Variants in TRAF3 observed in about 807,000 individuals in gnomAD.
TRAF3 encodes the protein TNF receptor-associated factor 3.
Under a neutral mutation model 62.3 loss-of-function variants are expected in TRAF3, and 13 were observed. The ratio of observed to expected loss-of-function variants is 0.21; its 90% confidence interval spans 0.14 to 0.33. TRAF3 has a LOEUF of 0.33. TRAF3 is among the 10% of genes least tolerant of loss of function. TRAF3 has a pLI of 1.00. For synonymous variants in TRAF3, 269 were observed against 283.4 expected (o/e 0.95, Z 0.51); for missense variants, 440 against 741.8 (o/e 0.59, Z 4.73).
chr14:102,887,859 T>C (rs1889488979), intron 7 of TRAF3, among the ~76,000 whole-genome samples: 1 of 152,026 alleles, frequency 6.6e-6, no homozygotes, highest in Non-Finnish European at 1.5e-5. Flanking sequence ...CCTCCTAAGG[T>C]GCTAGGATTA....
chr14:102,864,132 G>A (rs1887836209), intron 2 of TRAF3, among the ~76,000 whole-genome samples: 2 of 151,434 alleles, frequency 1.3e-5, no homozygotes, highest in Non-Finnish European at 2.9e-5. Flanking sequence ...AGATTCTAAC[G>A]GTTTTTGCCT....
intron 10 of TRAF3, among the ~76,000 whole-genome samples, chr14:102,902,289 A>G (rs1890343476): frequency 6.6e-6 from 1 of 152,226 alleles, no homozygotes; most frequent in Non-Finnish European, 1.5e-5. Flanking sequence ...CGTCTGCAGC[A>G]TCGGCCCACT....
At chr14:102,874,637 G>GT (rs1264750628) in intron 4 of TRAF3, among the ~76,000 whole-genome samples, 1 of 146,598 alleles carries the variant, frequency 6.8e-6, no homozygotes, top group African/African-American at 2.7e-5. Context: ...AAGTTGAAAG[G>GT]TTTTTTCTTC....
intron 8 of TRAF3, among the ~76,000 whole-genome samples, chr14:102,890,179 C>G (rs1219097067): frequency 6.6e-6 from 1 of 152,216 alleles, no homozygotes; most frequent in Admixed American, 6.5e-5. Context: ...ATCTCTGTTG[C>G]TGCCGCACAT....
intron 1 of TRAF3, among the ~76,000 whole-genome samples, chr14:102,820,595 TATATATATATATATATATA>T (rs1308667169): frequency 0.078 from 653 of 8,416 alleles, 17 homozygotes; most frequent in African/African-American, 0.2. Context: ...TATATATATA[TATATATATATATATATATA>T]TTTTTTTTTT....
chr14:102,860,494 C>G (rs1887619384), intron 2 of TRAF3, among the ~76,000 whole-genome samples: 1 of 152,188 alleles, frequency 6.6e-6, no homozygotes, highest in Non-Finnish European at 1.5e-5. Flanking sequence ...AACCATAGCA[C>G]TCTTTAAAAA....
chr14:102,815,761 A>G (rs1362327464), intron 1 of TRAF3, among the ~76,000 whole-genome samples: 3 of 152,180 alleles, frequency 2.0e-5, no homozygotes, highest in East Asian at 1.9e-4. Flanking sequence ...GAAACTTACA[A>G]TCAAGGCAGA....
chr14:102,788,498 C>T (rs1314503106), intron 1 of TRAF3, among the ~76,000 whole-genome samples: 1 of 151,748 alleles, frequency 6.6e-6, no homozygotes, highest in East Asian at 2.0e-4. Flanking sequence ...TCCATCTCAA[C>T]AAAAATAAAG....
chr14:102,802,312 G>T (rs1214137983), intron 1 of TRAF3, among the ~76,000 whole-genome samples: 5 of 77,366 alleles, frequency 6.5e-5, no homozygotes, highest in African/African-American at 1.0e-4. Flanking sequence ...CCGCCACCAT[G>T]CCTGGCTAAT....
At chr14:102,803,628 C>T (rs780617877) in intron 1 of TRAF3, among the ~76,000 whole-genome samples, 29 of 150,876 alleles carry the variant, frequency 1.9e-4, no homozygotes, top group Non-Finnish European at 4.1e-4. Context: ...TTTGGCTGGA[C>T]TCAAGCTCCT....
chr14:102,886,758 A>G (rs571087423), intron 7 of TRAF3, among the ~76,000 whole-genome samples: 5 of 152,316 alleles, frequency 3.3e-5, no homozygotes, highest in African/African-American at 1.2e-4. Flanking sequence ...CTCCGTCTCA[A>G]AAACAAAACA....
intron 1 of TRAF3, among the ~76,000 whole-genome samples, chr14:102,807,620 T>G (rs1319075200): frequency 6.6e-6 from 1 of 152,220 alleles, no homozygotes; most frequent in Non-Finnish European, 1.5e-5. Flanking sequence ...CACAGGGACC[T>G]GCCCTCCTTC....
At chr14:102,813,370 T>A (rs140605570) in intron 1 of TRAF3, among the ~76,000 whole-genome samples, 259 of 152,286 alleles carry the variant, frequency 1.7e-3, no homozygotes, top group African/African-American at 5.6e-3. Flanking sequence ...ACTGAGCATT[T>A]TTTATGTATT....
chr14:102,879,034 G>T (rs1384762836), intron 6 of TRAF3, among the ~76,000 whole-genome samples: 2 of 152,074 alleles, frequency 1.3e-5, no homozygotes, highest in East Asian at 3.9e-4. Context: ...AGGGTGATGG[G>T]CTTGGGGGAG....
chr14:102,862,929 A>G (rs932082063), intron 2 of TRAF3, among the ~76,000 whole-genome samples: 1 of 149,680 alleles, frequency 6.7e-6, no homozygotes, highest in African/African-American at 2.5e-5. Context: ...GTGCTTTTCA[A>G]CTCCAGAATT....
At position 102,862,662 on chromosome 14, in the gene TRAF3, C is replaced by G. The variant is rs935662091; in HGVS notation, c.-17-7523C>G. Among the ~76,000 whole-genome samples the G allele has an allele frequency of 5.6e-4, 85 of 152,088 alleles. 1 individual carries two copies. The highest frequency in any genetic ancestry group is 2.9e-5 in the Non-Finnish European group (2 of 68,008). ...GCAGATTAATGTTTCTCATTAAATA[C>G]AGGACTTTTCTACCATTATTTCTTC... On this transcript the variant is annotated intron_variant, in intron 2 of 11. Transcript: ENST00000392745.
At chr14:102,900,273 C>T (rs189101786) in intron 10 of TRAF3, among the ~76,000 whole-genome samples, 2,453 of 150,312 alleles carry the variant, frequency 0.016, 74 homozygotes, top group African/African-American at 0.057. Context: ...AAGGCCGAGG[C>T]GGGTGGATCA....
intron 2 of TRAF3, among the ~76,000 whole-genome samples, chr14:102,852,788 G>A (rs1199692804): frequency 2.0e-5 from 3 of 151,796 alleles, no homozygotes; most frequent in East Asian, 3.9e-4. Context: ...GTAACCTTGA[G>A]CTCCTGGGCT....
At chr14:102,876,069 C>A (rs1050371082) in intron 5 of TRAF3, among the ~76,000 whole-genome samples, 1 of 152,038 alleles carries the variant, frequency 6.6e-6, no homozygotes, top group Non-Finnish European at 1.5e-5. Context: ...CATATTTTAG[C>A]TTAGAAAATT....
Sources: allele counts gnomAD v4.1 joint callset (sites outside exome capture counted in the v4.1 genomes callset), GRCh38; gene constraint gnomAD v4.1.1; transcripts MANE v1.5; gene names NCBI Gene and HGNC (gene_info 2026-07-23, HGNC 2026-07-21).